The following PUM1 variants were observed in gnomAD, a reference collection of about 807,000 sequenced individuals.
PUM1 encodes the protein pumilio homolog 1.
Under a neutral mutation model 131.8 loss-of-function variants are expected in PUM1, and 13 were observed. That is an observed-to-expected ratio of 0.10 (90% confidence interval 0.06 to 0.16). The LOEUF (loss-of-function observed/expected upper bound fraction) is 0.16. PUM1 is among the 10% of genes least tolerant of loss of function. The pLI is 1.00. For missense variants in PUM1, 961 were observed against 1,512.4 expected (o/e 0.64, Z 6.05); for synonymous variants, 509 against 556.5 (o/e 0.91, Z 1.20).
At chr1:30,941,341 A>G (rs112257235) in intron 19 of PUM1, 69 bp from the exon 20 acceptor site, 2 of 1,474,754 alleles carry the variant, frequency 1.4e-6, no homozygotes, top group African/African-American at 1.4e-5. Flanking sequence ...TTAAGTCCTT[A>G]TATCTAATTA....
At chr1:31,051,261 AAAG>A (rs757082464) in intron 2 of PUM1, among the ~76,000 whole-genome samples, 3 of 151,958 alleles carry the variant, frequency 2.0e-5, no homozygotes, top group Non-Finnish European at 2.9e-5. Context: ...AGTGAAAGAA[AAAG>A]AAGGTACAAG....
At chr1:31,030,013 C>T (rs1023220111) in intron 2 of PUM1, among the ~76,000 whole-genome samples, 5 of 151,284 alleles carry the variant, frequency 3.3e-5, no homozygotes, top group South Asian at 2.1e-4. Flanking sequence ...ATCAGGAGTT[C>T]GAGACCAGCC....
chr1:30,996,235 G>C (rs1326124114), intron 5 of PUM1, among the ~76,000 whole-genome samples: 1 of 152,156 alleles, frequency 6.6e-6, no homozygotes, highest in Non-Finnish European at 1.5e-5. Flanking sequence ...CTGGTTTAAG[G>C]AAGAGAAATG....
rs1643654098 is a variant in PUM1 at position 31,037,594 on chromosome 1, C to T, written c.364-8730G>A. The stretch of plus-strand genomic sequence containing the variant: ...AATTAGCTGGGCGTGGTGGCGGGCA[C>T]CTGTATTCCCAGCTACTCAGCAGGC... On this transcript the variant is annotated intron_variant, in intron 2 of 21. Coordinates refer to ENST00000426105, the MANE Select transcript of PUM1 (RefSeq NM_001020658.2). Among the ~76,000 whole-genome samples, 3 of 152,002 alleles carry T rather than the reference C, an allele frequency of 2.0e-5. 1 individual carries two copies. The South Asian group carries it at 6.2e-4, about 32-fold the overall frequency.
chr1:30,965,624 T>C (rs996387062), intron 13 of PUM1, among the ~76,000 whole-genome samples: 1 of 152,234 alleles, frequency 6.6e-6, no homozygotes, highest in African/African-American at 2.4e-5. Context: ...CTCGGCTCAG[T>C]CTCAATTGTG....
intron 21 of PUM1, among the ~76,000 whole-genome samples, chr1:30,936,338 G>T (rs1639209384): frequency 6.6e-6 from 1 of 152,198 alleles, no homozygotes; most frequent in Non-Finnish European, 1.5e-5. Flanking sequence ...AGGGAGGAGT[G>T]AGAAAAGGAA....
At chr1:30,991,664 T>C (rs190253012) in intron 7 of PUM1, among the ~76,000 whole-genome samples, 5 of 152,288 alleles carry the variant, frequency 3.3e-5, no homozygotes, top group South Asian at 2.1e-4. Flanking sequence ...CTTAACAAGA[T>C]TGGGAAACTA....
intron 3 of PUM1, among the ~76,000 whole-genome samples, chr1:31,022,335 T>C (rs1209127523): frequency 6.6e-6 from 1 of 151,886 alleles, no homozygotes; most frequent in Non-Finnish European, 1.5e-5. Flanking sequence ...CCAAAGGAGG[T>C]TGATGAAAGG....
In PUM1 at chr1:30,974,643, A is replaced by G. The variant is rs1388229439; in HGVS notation, c.1506+8T>C. 1 of 1,597,290 alleles carries G rather than the reference A, an allele frequency of 6.3e-7. No homozygotes were observed. ...CACTTAGAAGAGGTAAATTTTGTCTACATTTACCTGCTGCTGTCCTTGCTG... is the reference window on the plus strand; with the variant it reads ...CACTTAGAAGAGGTAAATTTTGTCTGCATTTACCTGCTGCTGTCCTTGCTG... On this transcript the variant is annotated splice_region_variant and intron_variant, in intron 10 of 21. Coordinates refer to ENST00000426105, the MANE Select transcript of PUM1 (RefSeq NM_001020658.2).
intron 2 of PUM1, among the ~76,000 whole-genome samples, chr1:31,031,416 C>T (rs559303887): frequency 2.6e-5 from 4 of 152,150 alleles, no homozygotes; most frequent in Non-Finnish European, 5.9e-5. Flanking sequence ...ATGTAGCCAT[C>T]ACAACAACCT....
intron 12 of PUM1, 188 bp from the exon 13 acceptor site, chr1:30,966,466 C>T (rs1640624237): frequency 1.7e-6 from 1 of 581,130 alleles, no homozygotes; most frequent in East Asian, 3.0e-5. Flanking sequence ...TCAATTTGAA[C>T]TCAAAATACC....
chr1:31,016,628 ACTGT>A (rs1204954238), intron 3 of PUM1, among the ~76,000 whole-genome samples: 4 of 152,176 alleles, frequency 2.6e-5, no homozygotes, highest in African/African-American at 9.7e-5. Context: ...CACCAAAAAA[ACTGT>A]CTAAGAATCA....
chr1:31,065,717 T>C lies in PUM1; in HGVS notation c.-113A>G. On this transcript the variant is annotated 5_prime_UTR_variant, in exon 1 of 22. Transcript: ENST00000426105. ...TCACTCCGACAACATGGCGGCCCAC[T>C]GGGGACTGGGTTGGCGCGGTGCATC... 2 of 1,548,622 alleles carry C rather than the reference T, an allele frequency of 1.3e-6. No individual in the cohort carries two copies. The highest frequency in any genetic ancestry group is 1.2e-5 in the South Asian group (1 of 83,998).
At chr1:31,005,551 A>C (rs887291305) in intron 5 of PUM1, among the ~76,000 whole-genome samples, 2 of 152,130 alleles carry the variant, frequency 1.3e-5, no homozygotes, top group African/African-American at 2.4e-5. Context: ...TTTTAAAGTA[A>C]AAATGGTGTT....
At chr1:30,953,602 G>T in intron 15 of PUM1, 112 bp downstream of exon 15, 1 of 1,182,904 alleles carries the variant, frequency 8.5e-7, no homozygotes, top group Non-Finnish European at 1.2e-6. Context: ...TAAGAGGCAC[G>T]CTTTTAAAAA....
intron 14 of PUM1, among the ~76,000 whole-genome samples, chr1:30,961,876 T>C (rs1640422630): frequency 6.6e-6 from 1 of 152,216 alleles, no homozygotes; most frequent in Admixed American, 6.5e-5. Flanking sequence ...ATAAAATGCT[T>C]AGTATGGCTG....
chr1:31,038,054 C>T (rs1045738558), intron 2 of PUM1, among the ~76,000 whole-genome samples: 3 of 147,026 alleles, frequency 2.0e-5, no homozygotes, highest in Non-Finnish European at 3.0e-5. Flanking sequence ...ACTCCAGCCT[C>T]GGAAATAGAG....
At chr1:30,998,869 G>A (rs1381515091) in intron 5 of PUM1, among the ~76,000 whole-genome samples, 1 of 152,066 alleles carries the variant, frequency 6.6e-6, no homozygotes. Flanking sequence ...TCCTTAAAAT[G>A]GTCTCTTAAA....
At chr1:31,000,888 T>C (rs945712330) in intron 5 of PUM1, among the ~76,000 whole-genome samples, 5 of 152,334 alleles carry the variant, frequency 3.3e-5, no homozygotes, top group Admixed American at 6.5e-5. Context: ...ATTTCAAATA[T>C]AAATTAGCTG....
Sources: allele counts gnomAD v4.1 joint callset (sites outside exome capture counted in the v4.1 genomes callset), GRCh38; gene constraint gnomAD v4.1.1; transcripts MANE v1.5; gene names NCBI Gene and HGNC (gene_info 2026-07-23, HGNC 2026-07-21).